Variants in PCDHGA9 observed in about 807,000 individuals in gnomAD.
The protein encoded by PCDHGA9 is protocadherin gamma subfamily A, 9.
PCDHGA9 carries 37 observed loss-of-function variants against 62.5 expected under a neutral mutation model. The ratio of observed to expected loss-of-function variants is 0.59; its 90% CI spans 0.46 to 0.78. The LOEUF (loss-of-function observed/expected upper bound fraction) is 0.78, where lower values mean the gene tolerates loss of function less well. Ranked by LOEUF, PCDHGA9 falls within the 30% of genes least tolerant of loss-of-function variation. The pLI is 0.00. For missense variants in PCDHGA9, 1,138 were observed against 1,166.2 expected, an observed-to-expected ratio of 0.98 and a Z score of 0.35; for synonymous variants, 459 against 484.6, an observed-to-expected ratio of 0.95 and a Z score of 0.69.
chr5:141,501,288 TATACACAC>T (rs1482707793), intron 2 of PCDHGA9, among the ~76,000 whole-genome samples: 1 of 81,228 alleles, frequency 1.2e-5, no homozygotes, highest in African/African-American at 4.9e-5. Flanking sequence ...GATATTCCCT[TATACACAC>T]ACACACACAC....
chr5:141,488,633 A>G (rs2099677537), intron 1 of PCDHGA9, among the ~76,000 whole-genome samples: 1 of 152,174 alleles, frequency 6.6e-6, no homozygotes, highest in South Asian at 2.1e-4. Context: ...TCACCTTAGC[A>G]GCATTCAGCA....
intron 1 of PCDHGA9, among the ~76,000 whole-genome samples, chr5:141,459,184 G>GC (rs2098963022): frequency 6.6e-6 from 1 of 152,134 alleles, no homozygotes; most frequent in South Asian, 2.1e-4. Flanking sequence ...GTTCCCTCAT[G>GC]CCCCTTTGCA....
At chr5:141,419,411 C>T (rs757881409) in intron 1 of PCDHGA9, 7 of 1,613,344 alleles carry the variant, frequency 4.3e-6, no homozygotes, top group Non-Finnish European at 5.9e-6. Flanking sequence ...GTTCGCGCAG[C>T]GCGCCTTCGA....
chr5:141,478,204 T>C (rs775367944), intron 1 of PCDHGA9: 7 of 1,613,950 alleles, frequency 4.3e-6, no homozygotes, highest in Middle Eastern at 1.6e-4. Context: ...ATCTACTTCT[T>C]TCTCTAATCC....
intron 2 of PCDHGA9, among the ~76,000 whole-genome samples, chr5:141,496,500 C>T (rs1350421492): frequency 6.6e-6 from 1 of 152,162 alleles, no homozygotes; most frequent in Non-Finnish European, 1.5e-5. Flanking sequence ...ACCCTTGTTG[C>T]CACAAGGACC....
chr5:141,473,476 A>G (rs1300050332), intron 1 of PCDHGA9, among the ~76,000 whole-genome samples: 15 of 151,558 alleles, frequency 9.9e-5, no homozygotes, highest in Admixed American at 9.2e-4. Context: ...GCCAAGTTCA[A>G]TGGAAAAAAT....
rs143362044 is a variant in PCDHGA9, at chr5:141,511,092, C to T, written c.2718C>T (p.Asn906=). The T allele has an allele frequency of 4.5e-5, 73 of 1,614,088 alleles. No homozygotes were observed. Among genetic ancestry groups the T allele is most frequent in the Admixed American group, 1.5e-4 (9 of 60,012 alleles). ...YIPGSNATLT[N]AAGKRDGKAP... is the part of the protein sequence containing the mutation. ...CAGGCAGCAATGCCACACTGACCAA[C>T]GCAGCTGGCAAGCGGGATGGCAAGG... The change falls in exon 4 of 4, where the codon AAC becomes AAT. Residue 906 remains asparagine, a synonymous_variant. Coordinates refer to ENST00000573521, the MANE Select transcript of PCDHGA9 (RefSeq NM_018921.3).
Position 141,511,995 on chromosome 5 carries a change from A to G in PCDHGA9, c.*822A>G, listed in dbSNP as rs1049905198. The G allele has an allele frequency of 1.3e-5, 2 of 153,074 alleles. No homozygotes were observed. The highest frequency in any genetic ancestry group is 4.8e-5 in the African/African-American group (2 of 41,464). The allele number at this position is 153,074 out of a possible 1,614,324, so 9.5% of individuals were successfully genotyped here. On this transcript the variant is annotated 3_prime_UTR_variant, in exon 4 of 4. Transcript: ENST00000573521. The stretch of plus-strand genomic sequence containing the variant: ...GGATGTGGATGGTGGGGGCATGGAC[A>G]AAGCTTGACACATCAAGTTATCAAG...
chr5:141,496,338 G>A (rs1011495959), intron 2 of PCDHGA9, among the ~76,000 whole-genome samples: 5 of 152,230 alleles, frequency 3.3e-5, no homozygotes, highest in African/African-American at 9.6e-5. Flanking sequence ...TCAGGAGCCT[G>A]GAGGAGTCTC....
chr5:141,411,017 A>T lies in PCDHGA9; in HGVS notation c.2424+5641A>T, dbSNP rs140607036. ...TACTGGTGCCCCTCACCACAGCTAA[A>T]TTTTTTGTATTTTTAGTAGACATGG... On this transcript the variant is annotated intron_variant, in intron 1 of 3. Transcript: ENST00000573521. 3.9e-3 allele frequency: 631 copies of T among 162,486 alleles called. 5 individuals are homozygous for T. Among genetic ancestry groups the T allele is most frequent in the Admixed American group, 0.011 (172 of 16,000 alleles). 10.1% of individuals were successfully genotyped at this position (162,486 alleles called of 1,614,324 possible).
rs576464275 is a variant in PCDHGA9, at chr5:141,448,784, CA to C, written c.2424+43419del. ...TGAAACCCCGTCTGTACTAAAAATA[CA>C]AAAAAAAAAATTAGCCAGGCGTGAT... On this transcript the variant is annotated intron_variant, in intron 1 of 3. Coordinates refer to ENST00000573521, the MANE Select transcript of PCDHGA9 (RefSeq NM_018921.3). Among the ~76,000 whole-genome samples, 323 of 145,522 alleles carry C rather than the reference CA, an allele frequency of 2.2e-3. 2 individuals are homozygous for C. The highest frequency in any genetic ancestry group is 5.9e-3 in the African/African-American group (238 of 40,012).
At chr5:141,467,185 TG>T (rs1295935271) in intron 1 of PCDHGA9, among the ~76,000 whole-genome samples, 1 of 152,004 alleles carries the variant, frequency 6.6e-6, no homozygotes, top group African/African-American at 2.4e-5. Context: ...CCCAAGTAGC[TG>T]GGATTACAGG....
chr5:141,423,699 T>C, intron 1 of PCDHGA9: 1 of 1,469,146 alleles, frequency 6.8e-7, no homozygotes, highest in East Asian at 2.5e-5. Context: ...GTTGGTGTCT[T>C]GGCACAAGTC....
chr5:141,414,843 G>T (rs2095794241), intron 1 of PCDHGA9: 1 of 1,614,100 alleles, frequency 6.2e-7, no homozygotes, highest in Admixed American at 1.7e-5. Context: ...GCCTGTTTGT[G>T]CTGGACCAGA....
Position 141,451,680 on chromosome 5 carries a change from A to G in PCDHGA9, c.2425-43127A>G, listed in dbSNP as rs189200375. Among the ~76,000 whole-genome samples, 85 of 152,310 alleles carry G rather than the reference A, an allele frequency of 5.6e-4. 1 individual carries two copies. The East Asian group carries it at 0.012, about 21-fold the overall frequency. On this transcript the variant is annotated intron_variant, in intron 1 of 3. Coordinates refer to ENST00000573521, the MANE Select transcript of PCDHGA9 (RefSeq NM_018921.3). The stretch of plus-strand genomic sequence containing the variant: ...GTGGACTGCTTGAGCCCAGGAGTTC[A>G]AGACCAGCCTGGGTAACATGACAAA...
chr5:141,418,589 C>T (rs184213052), intron 1 of PCDHGA9: 13 of 1,613,896 alleles, frequency 8.1e-6, no homozygotes, highest in African/African-American at 6.7e-5. Flanking sequence ...AGTGTTCAGC[C>T]AGGACGTGTA....
rs1417754081 is a variant in PCDHGA9, at chr5:141,512,046, T to C, written c.*873T>C. 1 of 152,746 alleles carries C rather than the reference T, an allele frequency of 6.5e-6. No individual in the cohort carries two copies. Among genetic ancestry groups the C allele is most frequent in the East Asian group, 1.9e-4 (1 of 5,190 alleles). 9.5% of individuals were successfully genotyped at this position (152,746 alleles called of 1,614,324 possible). Reference sequence around the variant, plus strand: ...GCCTTGGAGGAGGCTCTGTATGTCCTCAGGGGACTGACAACATCCTCCAGA... The same window carrying C: ...GCCTTGGAGGAGGCTCTGTATGTCCCCAGGGGACTGACAACATCCTCCAGA... On this transcript the variant is annotated 3_prime_UTR_variant, in exon 4 of 4. Transcript: ENST00000573521.
rs745830169 is a variant in PCDHGA9, at chr5:141,404,890, A to G, written c.1938A>G (p.Val646=). The change falls in exon 1 of 4, where the codon GTA becomes GTG. Residue 646 remains valine, a synonymous_variant. Coordinates refer to ENST00000573521, the MANE Select transcript of PCDHGA9 (RefSeq NM_018921.3). ...DALKQSLVVA[V]QDHGQPPLSA... is the part of the protein sequence containing the mutation. ...TCAAACAGAGCCTTGTGGTGGCTGT[A>G]CAGGACCATGGCCAGCCCCCTCTCT... is the stretch of plus-strand genomic sequence containing the variant. 1 of 1,613,870 alleles carries G rather than the reference A, an allele frequency of 6.2e-7. No homozygotes were observed. Among genetic ancestry groups the G allele is most frequent in the Middle Eastern group, 1.6e-4 (1 of 6,062 alleles).
chr5:141,510,862 C>CATTCA, intron 3 of PCDHGA9, 85 bp from the exon 4 acceptor site: 1 of 1,606,772 alleles, frequency 6.2e-7, no homozygotes, highest in South Asian at 1.1e-5. Flanking sequence ...GCTGTATAGG[C>CATTCA]ATTCATTAAC....
Sources: allele counts gnomAD v4.1 joint callset (sites outside exome capture counted in the v4.1 genomes callset), GRCh38; gene constraint gnomAD v4.1.1; transcripts MANE v1.5; gene names NCBI Gene and HGNC (gene_info 2026-07-23, HGNC 2026-07-21).